Variants in STRN3 observed in about 807,000 individuals in gnomAD.
STRN3 encodes striatin 3.
A neutral mutation model predicts 95.6 loss-of-function variants in STRN3; 29 were observed. The ratio of observed to expected loss-of-function variants is 0.30; its 90% CI spans 0.23 to 0.41. The LOEUF is 0.41. Among genes scored for constraint, STRN3 ranks in the 10% least tolerant of loss-of-function variants. STRN3 has a pLI of 1.00. For missense variants in STRN3, 890 were observed against 972.1 expected, an observed-to-expected ratio of 0.92 and a Z score of 1.12; for synonymous variants, 331 against 357.6, an observed-to-expected ratio of 0.93 and a Z score of 0.84.
chr14:30,962,174 TAAA>T (rs1375257231), intron 1 of STRN3, among the ~76,000 whole-genome samples: 2 of 151,958 alleles, frequency 1.3e-5, no homozygotes, highest in South Asian at 4.2e-4. Context: ...AAAAAAAGTT[TAAA>T]AAGTAAAAAT....
At chr14:30,984,266 T>A (rs1452391406) in intron 1 of STRN3, among the ~76,000 whole-genome samples, 6 of 86,868 alleles carry the variant, frequency 6.9e-5, no homozygotes, top group East Asian at 9.0e-4. Flanking sequence ...TGAGGAATTC[T>A]AAAAAAAAAA....
Position 30,913,566 on chromosome 14 carries a change from A to C in STRN3, c.1332T>G (p.Leu444=). The C allele has an allele frequency of 6.2e-7, 1 of 1,613,834 alleles. No homozygotes were observed. The highest frequency in any genetic ancestry group is 2.2e-5 in the East Asian group (1 of 44,860). ...VLLSVLGLGD[L]ADLTVTNDAD... ...CATCATTTGTTACCGTCAAGTCTGC[A>C]AGGTCTCCAAGGCCCAGTACACTTA... Residue 444 remains leucine, a synonymous_variant, in exon 10 of 18, where the codon CTT becomes CTG. Coordinates refer to ENST00000357479, the MANE Select transcript of STRN3 (RefSeq NM_001083893.2).
intron 1 of STRN3, among the ~76,000 whole-genome samples, chr14:31,023,948 C>T (rs981986382): frequency 6.6e-6 from 1 of 151,194 alleles, no homozygotes; most frequent in Non-Finnish European, 1.5e-5. Flanking sequence ...CAAACAAAAA[C>T]TTAGGATGGC....
chr14:30,926,456 AAT>A, intron 8 of STRN3, among the ~76,000 whole-genome samples: 1 of 152,014 alleles, frequency 6.6e-6, no homozygotes, highest in East Asian at 1.9e-4. Flanking sequence ...AAGATGGATG[AAT>A]ATGTGCCAAA....
At chr14:31,025,655 A>G in intron 1 of STRN3, 1 of 581,170 alleles carries the variant, frequency 1.7e-6, no homozygotes, top group South Asian at 2.1e-5. Flanking sequence ...CCATACTAAA[A>G]GCCAAAATGG....
intron 14 of STRN3, among the ~76,000 whole-genome samples, chr14:30,906,581 A>G (rs1422545736): frequency 6.6e-6 from 1 of 152,184 alleles, no homozygotes. Flanking sequence ...CGTCTGGAAC[A>G]GGTGGTGTGC....
intron 1 of STRN3, among the ~76,000 whole-genome samples, chr14:30,998,817 T>C (rs561459681): frequency 3.9e-5 from 6 of 152,270 alleles, no homozygotes; most frequent in South Asian, 2.1e-4. Context: ...TAAATGTCTA[T>C]AGTTTTTTAG....
chr14:30,895,407 T>C lies in STRN3; in HGVS notation c.*4A>G. ...ATCTTGTTACGATGCAAGTTTTTGT[T>C]GATTCATACAAATACTTTGGCAAGA... On this transcript the variant is annotated 3_prime_UTR_variant, in exon 18 of 18. Transcript: ENST00000357479. 6.3e-7 allele frequency: 1 copy of C among 1,590,904 alleles called. No individual in the cohort carries two copies. Among genetic ancestry groups the C allele is most frequent in the Non-Finnish European group, 8.6e-7 (1 of 1,167,218 alleles).
At chr14:30,999,989 T>C (rs1882371155) in intron 1 of STRN3, among the ~76,000 whole-genome samples, 1 of 152,170 alleles carries the variant, frequency 6.6e-6, no homozygotes, top group Non-Finnish European at 1.5e-5. Context: ...CAGTGGGATA[T>C]ATTCAAAGTG....
chr14:31,023,620 G>A (rs1400701654), intron 1 of STRN3, among the ~76,000 whole-genome samples: 1 of 152,052 alleles, frequency 6.6e-6, no homozygotes, highest in African/African-American at 2.4e-5. Context: ...TAATATGTAA[G>A]TTGTCTTATT....
At chr14:30,916,804 C>T (rs1031220433) in intron 9 of STRN3, among the ~76,000 whole-genome samples, 11 of 152,198 alleles carry the variant, frequency 7.2e-5, no homozygotes, top group Middle Eastern at 3.4e-3. Context: ...ACTAGTATAA[C>T]GGGTCTATAA....
At chr14:30,918,624 G>C (rs1188061089) in intron 9 of STRN3, among the ~76,000 whole-genome samples, 1 of 152,056 alleles carries the variant, frequency 6.6e-6, no homozygotes, top group African/African-American at 2.4e-5. Flanking sequence ...GACAAAATGA[G>C]TAGTTTTTTC....
At chr14:30,909,086 T>C (rs1896542581) in intron 13 of STRN3, among the ~76,000 whole-genome samples, 2 of 152,188 alleles carry the variant, frequency 1.3e-5, no homozygotes, top group Admixed American at 1.3e-4. Flanking sequence ...ATGTTTGAAA[T>C]GTTCTGAAAT....
intron 8 of STRN3, among the ~76,000 whole-genome samples, chr14:30,925,833 A>G (rs752239507): frequency 7.9e-5 from 12 of 152,170 alleles, no homozygotes; most frequent in African/African-American, 1.4e-4. Context: ...TTTTTTAAAG[A>G]AATCAAAAGG....
At chr14:30,914,480 G>A (rs1163381567) in intron 9 of STRN3, among the ~76,000 whole-genome samples, 1 of 152,014 alleles carries the variant, frequency 6.6e-6, no homozygotes, top group African/African-American at 2.4e-5. Flanking sequence ...GGTCTCCCAA[G>A]TAGCTGGGAT....
chr14:31,007,263 A>G (rs1882761488), intron 1 of STRN3, among the ~76,000 whole-genome samples: 1 of 152,226 alleles, frequency 6.6e-6, no homozygotes, highest in Non-Finnish European at 1.5e-5. Context: ...CATCAGAGCA[A>G]GAGAATGGAT....
At chr14:31,025,074 G>A (rs1883731974) in intron 1 of STRN3, 1 of 152,120 alleles carries the variant, frequency 6.6e-6, no homozygotes, top group African/African-American at 2.4e-5. Flanking sequence ...TAAGTAACAT[G>A]ATATAACTAC....
At chr14:30,917,472 C>T (rs17097526) in intron 9 of STRN3, among the ~76,000 whole-genome samples, 1 of 149,854 alleles carries the variant, frequency 6.7e-6, no homozygotes, top group African/African-American at 2.5e-5. Context: ...ACATTAATTA[C>T]AAAAATTTTA....
chr14:30,949,684 C>A (rs1326754213), intron 4 of STRN3, among the ~76,000 whole-genome samples: 3 of 147,760 alleles, frequency 2.0e-5, no homozygotes, highest in African/African-American at 2.5e-5. Flanking sequence ...ACTCCGTTTC[C>A]AAAAAAAAAA....
Sources: allele counts gnomAD v4.1 joint callset (sites outside exome capture counted in the v4.1 genomes callset), GRCh38; gene constraint gnomAD v4.1.1; transcripts MANE v1.5; gene names NCBI Gene and HGNC (gene_info 2026-07-23, HGNC 2026-07-21).